Variants in CRACR2B observed in about 807,000 individuals in gnomAD.
The protein encoded by CRACR2B is calcium release activated channel regulator 2B, also known as EF-hand calcium-binding domain-containing protein 4A.
In CRACR2B, 50 loss-of-function variants were observed where a neutral mutation model predicts 46.0. The observed-to-expected ratio is 1.09, with a 90% confidence interval of 0.87 to 1.38. The LOEUF (loss-of-function observed/expected upper bound fraction) is 1.38, where lower values mean the gene tolerates loss of function less well. CRACR2B is among the 40% of genes most tolerant of loss of function. The pLI, the probability that CRACR2B is intolerant of heterozygous loss-of-function variation, is 0.00. For missense variants in CRACR2B, 667 were observed against 535.0 expected (o/e 1.25, Z -2.43); for synonymous variants, 277 against 239.6 (o/e 1.16, Z -1.44).
At position 831,304 on chromosome 11, in the gene CRACR2B, A is replaced by C. The variant is rs1846411729; in HGVS notation, c.1025+9A>C. On this transcript the variant is annotated intron_variant, in intron 8 of 8. Coordinates refer to ENST00000525077, the MANE Select transcript of CRACR2B (RefSeq NM_001286606.2). Reference sequence around the variant, plus strand: ...CAACTGGAGCTGCTCAGGTACGGTCAGGCTCAGGCCCGAGAGGGAATGGGC... The same window carrying C: ...CAACTGGAGCTGCTCAGGTACGGTCCGGCTCAGGCCCGAGAGGGAATGGGC... 5.6e-6 allele frequency: 9 copies of C among 1,603,442 alleles called. No individual in the cohort carries two copies. The East Asian group carries it at 2.0e-4, about 36-fold the overall frequency.
In CRACR2B at chr11:830,250, G is replaced by A. The variant is rs1264870832; in HGVS notation, c.606G>A (p.Arg202=). The change falls in exon 5 of 9, where the codon AGG becomes AGA. Residue 202 remains arginine (R), a splice_region_variant and synonymous_variant. Transcript: ENST00000525077. ...TCCGGGGTCGCCCGGTCCCCCGAAG[G>A]CGCGAGAGCGAGCACGAGAGGGAGG... ...ERDGLEQALR[R]RESEHEREVR... The A allele has an allele frequency of 1.3e-6, 2 of 1,510,714 alleles. No individual in the cohort carries two copies. The highest frequency in any genetic ancestry group is 1.8e-6 in the Non-Finnish European group (2 of 1,126,896). The allele number at this position is 1,510,714 out of a possible 1,614,324, so 93.6% of individuals were successfully genotyped here.
intron 2 of CRACR2B, 57 bp downstream of exon 2, chr11:829,020 G>C (rs1264525525): frequency 6.3e-7 from 1 of 1,590,302 alleles, no homozygotes; most frequent in East Asian, 2.2e-5. Context: ...TGATCAGGAG[G>C]CCTGGCACTT....
rs777542668 is a variant in CRACR2B at position 831,067 on chromosome 11, G to C, written c.953+35G>C. The C allele has an allele frequency of 2.0e-6, 3 of 1,537,300 alleles. No homozygotes were observed. The South Asian group carries it at 3.6e-5, about 18-fold the overall frequency. ...GACGGGGCTGGGCGGGCCCCGGTGC[G>C]TGTCCCGGGGGCGGGGCCGACGGGC... On this transcript the variant is annotated intron_variant, in intron 7 of 8. Coordinates refer to ENST00000525077, the MANE Select transcript of CRACR2B (RefSeq NM_001286606.2).
chr11:828,974 G>A lies in CRACR2B; in HGVS notation c.277+11G>A. ...TCTGCCTGGGCCTGGGTGAGCCTGT[G>A]GCCTGCCTATCCCCCACTGCCCAGA... On this transcript the variant is annotated intron_variant, in intron 2 of 8. Transcript: ENST00000525077. The A allele has an allele frequency of 6.2e-7, 1 of 1,601,722 alleles. No individual in the cohort carries two copies. The highest frequency in any genetic ancestry group is 8.5e-7 in the Non-Finnish European group (1 of 1,179,778).
chr11:831,036 CCGTGGGACGGGGCTGGGCGGGCCCCGGTG>C lies in CRACR2B; in HGVS notation c.953+9_953+37del. 6.5e-7 allele frequency: 1 copy of C among 1,535,202 alleles called. No homozygotes were observed. The highest frequency in any genetic ancestry group is 1.2e-5 in the South Asian group (1 of 83,996). ...GCCGCCAGGAGCAAACCCAACGGTG[CCGTGGGACGGGGCTGGGCGGGCCCCGGTG>C]CGTGTCCCGGGGGCGGGGCCGACGG... On this transcript the variant is annotated splice_donor_5th_base_variant and intron_variant, in intron 7 of 8. Coordinates refer to ENST00000525077, the MANE Select transcript of CRACR2B (RefSeq NM_001286606.2).
At position 830,241 on chromosome 11, in the gene CRACR2B, C is replaced by T. The variant is rs895045991; in HGVS notation, c.606-9C>T. The T allele has an allele frequency of 5.3e-6, 8 of 1,503,346 alleles. No homozygotes were observed. Among genetic ancestry groups the T allele is most frequent in the African/African-American group, 2.8e-5 (2 of 72,206 alleles). The allele number at this position is 1,503,346 out of a possible 1,614,324, so 93.1% of individuals were successfully genotyped here. A position where few individuals can be genotyped will look rare whatever the true frequency, so the allele number is the denominator to read the frequency against. On this transcript the variant is annotated splice_polypyrimidine_tract_variant and intron_variant, in intron 4 of 8. Coordinates refer to ENST00000525077, the MANE Select transcript of CRACR2B (RefSeq NM_001286606.2). Reference sequence around the variant, plus strand: ...AAGTTCTCATCCGGGGTCGCCCGGTCCCCCGAAGGCGCGAGAGCGAGCACG... The same window carrying T: ...AAGTTCTCATCCGGGGTCGCCCGGTTCCCCGAAGGCGCGAGAGCGAGCACG...
Position 828,780 on chromosome 11 carries a change from C to A in CRACR2B, c.165+8C>A, listed in dbSNP as rs1380040575. 6.2e-7 allele frequency: 1 copy of A among 1,613,140 alleles called. No homozygotes were observed. The highest frequency in any genetic ancestry group is 2.2e-5 in the East Asian group (1 of 44,888). ...ACCAAGCACGACCTGCAGGTGAGTC[C>A]CCCACCCCAAGAGACTGCTTCGGCC... On this transcript the variant is annotated splice_region_variant and intron_variant, in intron 1 of 8. Transcript: ENST00000525077.
Position 830,948 on chromosome 11 carries a change from C to G in CRACR2B, c.869C>G (p.Ala290Gly), listed in dbSNP as rs1418792499. 1.3e-5 allele frequency: 20 copies of G among 1,533,016 alleles called. No individual in the cohort carries two copies. Among genetic ancestry groups the G allele is most frequent in the Admixed American group, 3.9e-5 (2 of 50,940 alleles). The allele number at this position is 1,533,016 out of a possible 1,614,324, so 95.0% of individuals were successfully genotyped here. A position where few individuals can be genotyped will look rare whatever the true frequency, so the allele number is the denominator to read the frequency against. The stretch of plus-strand genomic sequence containing the variant: ...TCCCAGCTGTGGCGGGCGCACGAGG[C>G]GCTGCGAACGCAGCTGGAGGGGGCG... ...QNSQLWRAHE[A>G]LRTQLEGAQE... is the part of the protein sequence containing the mutation. The change falls in exon 7 of 9, where the codon GCG becomes GGG. Residue 290 changes from alanine (A) to glycine (G), a missense_variant. Ala to Gly is a moderately conservative substitution (Grantham distance 60). Coordinates refer to ENST00000525077, the MANE Select transcript of CRACR2B (RefSeq NM_001286606.2).
chr11:830,178 C>A lies in CRACR2B; in HGVS notation c.605+46C>A, dbSNP rs773660978. 254 of 1,500,864 alleles carry A rather than the reference C, an allele frequency of 1.7e-4. 1 individual carries two copies. Among genetic ancestry groups the A allele is most frequent in the Middle Eastern group, 5.4e-4 (3 of 5,542 alleles). 93.0% of individuals were successfully genotyped at this position (1,500,864 alleles called of 1,614,324 possible). On this transcript the variant is annotated intron_variant, in intron 4 of 8. Transcript: ENST00000525077. ...TGGGGGCCAATGGAGGGCCTCAGGG[C>A]AGCAGCAGAGGCGGTGCCAGGGGGC...
intron 3 of CRACR2B, 167 bp from the exon 4 acceptor site, chr11:829,819 G>A (rs1846243197): frequency 6.8e-6 from 9 of 1,323,536 alleles, no homozygotes; most frequent in Non-Finnish European, 9.0e-6. Context: ...CACCGACCAC[G>A]CACGCCGGGC....
upstream of CRACR2B, chr11:827,502 G>C: frequency 4.1e-6 from 4 of 981,326 alleles, no homozygotes; most frequent in Non-Finnish European, 4.8e-6. Context: ...GAGCACAGGA[G>C]GCTGGCCGCC....
In CRACR2B at chr11:829,539, A is replaced by C. The variant is rs28558789; in HGVS notation, c.457A>C (p.Lys153Gln). The C allele has an allele frequency of 6.4e-7, 1 of 1,574,372 alleles. No homozygotes were observed. Among genetic ancestry groups the C allele is most frequent in the Non-Finnish European group, 8.6e-7 (1 of 1,163,484 alleles). Residue 153 changes from lysine (K) to glutamine (Q), a missense_variant and splice_region_variant, in exon 3 of 9, where the codon AAG becomes CAG. Lys to Gln is a moderately conservative substitution (Grantham distance 53, BLOSUM62 1). Transcript: ENST00000525077. ...GCTGGGGGTGGCCCCGGTCCTGGGCAAGTGAGTCGGCGCTGGCCCCGCTCC... is the reference window on the plus strand; with the variant it reads ...GCTGGGGGTGGCCCCGGTCCTGGGCCAGTGAGTCGGCGCTGGCCCCGCTCC... ...EQLGVAPVLG[K>Q]QRAVRTLWAR...
rs1846030243 is a variant in CRACR2B at position 827,930 on chromosome 11, G to GC, written c.-677dup. ...CGGGGAAGGGCCTCAGTGTTGTGGGGCAAGGGTGTTAGGTCTCGAATCTGG... is the reference window on the plus strand; with the variant it reads ...CGGGGAAGGGCCTCAGTGTTGTGGGGCCAAGGGTGTTAGGTCTCGAATCTGG... On this transcript the variant is annotated 5_prime_UTR_variant, in exon 1 of 9. Transcript: ENST00000525077. Among the ~76,000 whole-genome samples the GC allele has an allele frequency of 6.6e-6, 1 of 152,222 alleles. No individual in the cohort carries two copies. Among genetic ancestry groups the GC allele is most frequent in the African/African-American group, 2.4e-5 (1 of 41,454 alleles).
upstream of CRACR2B, chr11:827,437 C>T (rs117715240): frequency 2.4e-3 from 1,444 of 612,424 alleles, 72 homozygotes; most frequent in East Asian, 0.13. Context: ...CCGGTTACCC[C>T]CTCGGGGCGC....
chr11:829,834 G>A, intron 3 of CRACR2B, 152 bp from the exon 4 acceptor site: 1 of 1,384,158 alleles, frequency 7.2e-7, no homozygotes, highest in Non-Finnish European at 9.5e-7. Context: ...CCGGGCAGGG[G>A]CGAAAGCGCT....
intron 5 of CRACR2B, 131 bp from the exon 6 acceptor site, chr11:830,490 A>T (rs1435317610): frequency 6.5e-7 from 1 of 1,537,428 alleles, no homozygotes; most frequent in Admixed American, 2.0e-5. Flanking sequence ...GGCCTCACGT[A>T]TCACCCCCGT....
At position 828,916 on chromosome 11, in the gene CRACR2B, G is replaced by C. The variant is rs7126805; in HGVS notation, c.230G>C (p.Arg77Pro). The C allele has an allele frequency of 6.8e-5, 109 of 1,607,510 alleles. No homozygotes were observed. The African/African-American group carries it at 1.3e-3, about 19-fold the overall frequency. Residue 77 changes from arginine to proline, a missense_variant, in exon 2 of 9, where the codon CGG becomes CCG. By Grantham distance (103) the Arg-to-Pro change is moderately radical (BLOSUM62 -2). Coordinates refer to ENST00000525077, the MANE Select transcript of CRACR2B (RefSeq NM_001286606.2). ...GAGGCTGTGTTTGAAAGTCTGGACC[G>C]GGCTCACACTGGCTTCCTCACCGCC... is the stretch of plus-strand genomic sequence containing the variant. ...QLEAVFESLD[R>P]AHTGFLTARE... is the part of the protein sequence containing the mutation.
intron 3 of CRACR2B, 74 bp downstream of exon 3, chr11:829,614 C>A: frequency 7.0e-7 from 1 of 1,422,214 alleles, no homozygotes; most frequent in Non-Finnish European, 9.3e-7. Context: ...GCCCTTGTCA[C>A]CCGAGTGCTG....
At position 830,686 on chromosome 11, in the gene CRACR2B, G is replaced by A; in HGVS notation, c.759G>A (p.Leu253=). The part of the protein sequence containing the change: ...ELELQSREQD[L]ERAGLRQREL... Reference sequence around the variant, plus strand: ...AGCTGCAGAGCCGCGAGCAGGACCTGGAACGCGCGGGCCTGCGGCAGCGGG... The same window carrying A: ...AGCTGCAGAGCCGCGAGCAGGACCTAGAACGCGCGGGCCTGCGGCAGCGGG... The change falls in exon 6 of 9, where the codon CTG becomes CTA. Residue 253 remains leucine (L), a synonymous_variant. Coordinates refer to ENST00000525077, the MANE Select transcript of CRACR2B (RefSeq NM_001286606.2). 1 of 1,542,790 alleles carries A rather than the reference G, an allele frequency of 6.5e-7. No homozygotes were observed. Among genetic ancestry groups the A allele is most frequent in the South Asian group, 1.2e-5 (1 of 83,622 alleles).
Sources: allele counts gnomAD v4.1 joint callset (sites outside exome capture counted in the v4.1 genomes callset), GRCh38; gene constraint gnomAD v4.1.1; transcripts MANE v1.5; gene names NCBI Gene and HGNC (gene_info 2026-07-23, HGNC 2026-07-21).